ZNF276: variants seen among roughly 807,000 people sequenced by gnomAD.
ZNF276 encodes the protein zinc finger protein 276, also known as centromere protein Z.
ZNF276 carries 59 observed loss-of-function variants against 63.9 expected under a neutral mutation model. The ratio of observed to expected loss-of-function variants is 0.92; its 90% confidence interval spans 0.75 to 1.15. The LOEUF is 1.15. ZNF276 is among the 50% of genes most tolerant of loss of function. ZNF276 has a pLI of 0.00. For synonymous variants in ZNF276, 496 were observed against 348.4 expected (o/e 1.42, Z -4.72); for missense variants, 1,084 against 843.8 (o/e 1.28, Z -3.53).
chr16:89,721,923 A>G (rs1159936235), intron 1 of ZNF276, 78 bp downstream of exon 1: 2 of 1,025,724 alleles, frequency 1.9e-6, no homozygotes, highest in Non-Finnish European at 2.5e-6. Flanking sequence ...TGACGCCCGG[A>G]AGCCGGCGCG....
chr16:89,736,643 A>T (rs1019385940), intron 9 of ZNF276, among the ~76,000 whole-genome samples: 2 of 151,692 alleles, frequency 1.3e-5, no homozygotes, highest in African/African-American at 4.8e-5. Flanking sequence ...CAAATTTTTT[A>T]AATTACCTGG....
chr16:89,728,595 G>A (rs1056934034), intron 5 of ZNF276, among the ~76,000 whole-genome samples: 1 of 152,088 alleles, frequency 6.6e-6, no homozygotes, highest in Non-Finnish European at 1.5e-5. Context: ...GCAGAGACGG[G>A]GTTTCACTTT....
At position 89,729,676 on chromosome 16, in the gene ZNF276, A is replaced by G. The variant is rs377689586; in HGVS notation, c.1169+358A>G. On this transcript the variant is annotated intron_variant, in intron 6 of 10. Transcript: ENST00000443381. Reference sequence around the variant, plus strand: ...CTGCCCTGGGTTCACACCCCAGTGTACCCCCGAAGCCCCCAACCCGTCGCT... The same window carrying G: ...CTGCCCTGGGTTCACACCCCAGTGTGCCCCCGAAGCCCCCAACCCGTCGCT... Among the ~76,000 whole-genome samples, 315 of 152,040 alleles carry G rather than the reference A, an allele frequency of 2.1e-3. 1 individual carries two copies. Among genetic ancestry groups the G allele is most frequent in the African/African-American group, 6.7e-3 (278 of 41,446 alleles).
At chr16:89,728,542 A>G (rs982527805) in intron 5 of ZNF276, among the ~76,000 whole-genome samples, 2 of 152,162 alleles carry the variant, frequency 1.3e-5, no homozygotes, top group African/African-American at 4.8e-5. Context: ...CGCTGGGACT[A>G]CAGGCACCCG....
At chr16:89,735,712 CTTTT>C (rs911417070) in intron 9 of ZNF276, among the ~76,000 whole-genome samples, 4 of 151,398 alleles carry the variant, frequency 2.6e-5, no homozygotes, top group South Asian at 2.1e-4. Flanking sequence ...TTACCAAAAA[CTTTT>C]TTTTTAATTT....
chr16:89,727,817 C>A (rs534434081), intron 5 of ZNF276, among the ~76,000 whole-genome samples: 45 of 152,348 alleles, frequency 3.0e-4, no homozygotes, highest in African/African-American at 1.0e-3. Flanking sequence ...AGTAGAGAAA[C>A]CCCGACTTTA....
upstream of ZNF276, chr16:89,721,437 G>A (rs893927422): frequency 6.7e-6 from 3 of 449,580 alleles, no homozygotes; most frequent in African/African-American, 2.1e-5. Context: ...ACGAGCGGGG[G>A]CGCTGGCACC....
In ZNF276 at chr16:89,739,271, A is replaced by C. The variant is rs745577614; in HGVS notation, c.*1025A>C. The C allele has an allele frequency of 6.2e-7, 1 of 1,614,166 alleles. No homozygotes were observed. Among genetic ancestry groups the C allele is most frequent in the Non-Finnish European group, 8.5e-7 (1 of 1,180,028 alleles). ...CCTCTTCCCTGATGGCCGCGTCTTC[A>C]TGGAAGTAGGAGAGAAGACTAGAGG... On this transcript the variant is annotated 3_prime_UTR_variant, in exon 11 of 11. Coordinates refer to ENST00000443381, the MANE Select transcript of ZNF276 (RefSeq NM_001113525.2).
In ZNF276 at chr16:89,740,341, TAAAAG is replaced by T; in HGVS notation, c.*2099_*2103del. Reference sequence around the variant, plus strand: ...TGCACCACGTCCTCAAATAAGACATTAAAAGAAAGGCCCACAGGCCGGATGCAGTG... The same window carrying T: ...TGCACCACGTCCTCAAATAAGACATTAAAGGCCCACAGGCCGGATGCAGTG... On this transcript the variant is annotated 3_prime_UTR_variant, in exon 11 of 11. Coordinates refer to ENST00000443381, the MANE Select transcript of ZNF276 (RefSeq NM_001113525.2). 1.8e-6 allele frequency: 1 copy of T among 549,658 alleles called. No individual in the cohort carries two copies. Among genetic ancestry groups the T allele is most frequent in the Non-Finnish European group, 3.3e-6 (1 of 306,442 alleles). 34.0% of individuals were successfully genotyped at this position (549,658 alleles called of 1,614,324 possible).
rs1382310475 is a variant in ZNF276 at position 89,739,933 on chromosome 16, T to C, written c.*1687T>C. On this transcript the variant is annotated 3_prime_UTR_variant, in exon 11 of 11. Transcript: ENST00000443381. ...CAAGGAGGGCTCGTTCTTAACCATT[T>C]GCAAGATGCCTCTGAAAAGAGCGGC... The C allele has an allele frequency of 6.2e-7, 1 of 1,605,956 alleles. No homozygotes were observed. The highest frequency in any genetic ancestry group is 1.1e-5 in the South Asian group (1 of 90,736).
intron 6 of ZNF276, among the ~76,000 whole-genome samples, chr16:89,729,801 A>G (rs1282448038): frequency 6.6e-6 from 1 of 152,148 alleles, no homozygotes; most frequent in Non-Finnish European, 1.5e-5. Context: ...GCCACGGTCC[A>G]CTTCCCTGTT....
At chr16:89,728,907 G>A (rs554017619) in intron 5 of ZNF276, among the ~76,000 whole-genome samples, 175 of 152,326 alleles carry the variant, frequency 1.1e-3, no homozygotes, top group African/African-American at 4.0e-3. Context: ...ATGGGGTGAG[G>A]TGGTCGATTT....
In ZNF276 at chr16:89,722,683, C is replaced by T; in HGVS notation, c.358C>T (p.Leu120=). 3.1e-6 allele frequency: 5 copies of T among 1,612,466 alleles called. No homozygotes were observed. Among genetic ancestry groups the T allele is most frequent in the African/African-American group, 1.3e-5 (1 of 75,082 alleles). The change falls in exon 2 of 11, where the codon CTG becomes TTG. Residue 120 remains leucine (L), a synonymous_variant. Coordinates refer to ENST00000443381, the MANE Select transcript of ZNF276 (RefSeq NM_001113525.2). The part of the protein sequence containing the change: ...ERVLVRDFQR[L]LGVAVRQDPT... ...CGTGCTCGTACGGGACTTCCAGCGC[C>T]TGCTTGGTGTGGCTGTCCGCCAGGA...
chr16:89,731,831 ATAAT>A (rs924429464), intron 6 of ZNF276: 20 of 152,356 alleles, frequency 1.3e-4, no homozygotes, highest in African/African-American at 2.2e-4. Flanking sequence ...CTTTGCTGAA[ATAAT>A]TAATTAGGGT....
chr16:89,721,990 G>T (rs1410563817), intron 1 of ZNF276, 145 bp downstream of exon 1: 7 of 582,526 alleles, frequency 1.2e-5, no homozygotes, highest in African/African-American at 9.8e-5. Flanking sequence ...CGGGATAGGC[G>T]CTGGGCGGCC....
In ZNF276 at chr16:89,727,202, T is replaced by C; in HGVS notation, c.1007-77T>C. 2.8e-6 allele frequency: 4 copies of C among 1,435,754 alleles called. No individual in the cohort carries two copies. The South Asian group carries it at 4.6e-5, about 16-fold the overall frequency. The allele number at this position is 1,435,754 out of a possible 1,614,324, so 88.9% of individuals were successfully genotyped here. A position where few individuals can be genotyped will look rare whatever the true frequency, so the allele number is the denominator to read the frequency against. ...CAGTCTCCCTTCTAGTCATCAATAGTAGAATCATGCCTCCTTGCAGGTGAG... is the reference window on the plus strand; with the variant it reads ...CAGTCTCCCTTCTAGTCATCAATAGCAGAATCATGCCTCCTTGCAGGTGAG... On this transcript the variant is annotated intron_variant, in intron 4 of 10. Coordinates refer to ENST00000443381, the MANE Select transcript of ZNF276 (RefSeq NM_001113525.2).
chr16:89,724,888 C>G (rs1056770132), intron 4 of ZNF276, among the ~76,000 whole-genome samples: 2 of 152,168 alleles, frequency 1.3e-5, no homozygotes, highest in African/African-American at 4.8e-5. Flanking sequence ...ATCTGTATAT[C>G]TATGTATCTA....
chr16:89,738,959 G>A lies in ZNF276; in HGVS notation c.*713G>A, dbSNP rs780156946. 1.7e-5 allele frequency: 27 copies of A among 1,614,242 alleles called. No individual in the cohort carries two copies. Among genetic ancestry groups the A allele is most frequent in the Admixed American group, 5.0e-5 (3 of 60,034 alleles). On this transcript the variant is annotated 3_prime_UTR_variant, in exon 11 of 11. Transcript: ENST00000443381. ...AGAAAAAGACGAGCTTTTGTTATCA[G>A]TTCCACGGGGTTGCCCTAGAGAGAA...
chr16:89,737,392 G>T (rs900988229), intron 9 of ZNF276, among the ~76,000 whole-genome samples: 12 of 151,966 alleles, frequency 7.9e-5, no homozygotes, highest in Non-Finnish European at 1.3e-4. Context: ...GTGGTGGGGG[G>T]CGCCTGTAAT....
Sources: allele counts gnomAD v4.1 joint callset (sites outside exome capture counted in the v4.1 genomes callset), GRCh38; gene constraint gnomAD v4.1.1; transcripts MANE v1.5; gene names NCBI Gene and HGNC (gene_info 2026-07-23, HGNC 2026-07-21).